Variants in STOX2 observed in about 807,000 individuals in gnomAD.
The protein encoded by STOX2 is storkhead box 2.
Under a neutral mutation model 60.9 loss-of-function variants are expected in STOX2, and 28 were observed. That is an observed-to-expected ratio of 0.46 (90% confidence interval 0.34 to 0.63). The LOEUF is 0.63. Among genes scored for constraint, STOX2 ranks in the 30% least tolerant of loss-of-function variants. The probability of loss-of-function intolerance (pLI) is 0.01; values close to 1 mark genes in which losing one functional copy is unlikely to be tolerated. For synonymous variants in STOX2, 472 were observed against 463.9 expected, an observed-to-expected ratio of 1.02 and a Z score of -0.22; for missense variants, 1,024 against 1,187.7, an observed-to-expected ratio of 0.86 and a Z score of 2.03.
chr4:183,849,687 C>T (rs1740069323), intron 1 of STOX2, among the ~76,000 whole-genome samples: 1 of 152,132 alleles, frequency 6.6e-6, no homozygotes, highest in Non-Finnish European at 1.5e-5. Flanking sequence ...AAGATCTCTA[C>T]AGCCAGAAAT....
At chr4:184,002,565 T>A (rs998936432) in intron 2 of STOX2, among the ~76,000 whole-genome samples, 3 of 152,210 alleles carry the variant, frequency 2.0e-5, no homozygotes, top group Non-Finnish European at 4.4e-5. Flanking sequence ...GCTCCATCTG[T>A]ACCCATCCGA....
intron 1 of STOX2, among the ~76,000 whole-genome samples, chr4:183,972,224 C>T (rs1458283009): frequency 1.3e-5 from 2 of 152,148 alleles, no homozygotes; most frequent in African/African-American, 4.8e-5. Context: ...GAGCATGGGG[C>T]GAATTCCCAT....
chr4:183,941,981 AC>A (rs1579445740), intron 1 of STOX2, among the ~76,000 whole-genome samples: 1 of 152,168 alleles, frequency 6.6e-6, no homozygotes, highest in African/African-American at 2.4e-5. Flanking sequence ...TCTGTCCTCA[AC>A]CCATTAAAAA....
intron 1 of STOX2, among the ~76,000 whole-genome samples, chr4:183,847,520 T>C (rs1411154514): frequency 6.6e-6 from 1 of 152,142 alleles, no homozygotes; most frequent in East Asian, 1.9e-4. Context: ...TATCAGTCCT[T>C]CAGAGCCACC....
At chr4:183,802,003 G>A (rs948042248) in intron 1 of STOX2, among the ~76,000 whole-genome samples, 3 of 152,198 alleles carry the variant, frequency 2.0e-5, no homozygotes, top group African/African-American at 7.2e-5. Context: ...CACAGGCCAC[G>A]GTTAGTACCC....
intron 1 of STOX2, among the ~76,000 whole-genome samples, chr4:183,898,070 A>G (rs1346142753): frequency 6.6e-6 from 1 of 152,058 alleles, no homozygotes; most frequent in African/African-American, 2.4e-5. Flanking sequence ...TTAATTTTTA[A>G]TATTTAAATT....
intron 1 of STOX2, among the ~76,000 whole-genome samples, chr4:183,922,643 A>G (rs1353614400): frequency 2.0e-5 from 3 of 152,088 alleles, no homozygotes; most frequent in Non-Finnish European, 4.4e-5. Context: ...CGTGCCTGGC[A>G]CAAAAGTTAC....
At position 184,010,540 on chromosome 4, in the gene STOX2, A is replaced by C; in HGVS notation, c.1702A>C (p.Ser568Arg). ...AGTCAGTGGCAGCAAGGAACCGTCC[A>C]GCGCTTGCAGCCTTTTGGAGCCAGG... ...EIVSGSKEPSSACSLLEPGKP... is the reference protein window; with the variant it reads ...EIVSGSKEPSRACSLLEPGKP... Residue 568 changes from serine (S) to arginine (R), a missense_variant, in exon 3 of 4, where the codon AGC becomes CGC. Physicochemically the swap from Ser to Arg is moderately radical, Grantham distance 110. Coordinates refer to ENST00000308497, the MANE Select transcript of STOX2 (RefSeq NM_020225.3). This position sits in a 1 kb window ranked among gnomAD's most constrained non-coding sequence, Gnocchi z 4.5. 1 of 1,613,938 alleles carries C rather than the reference A, an allele frequency of 6.2e-7. No homozygotes were observed. Among genetic ancestry groups the C allele is most frequent in the Non-Finnish European group, 8.5e-7 (1 of 1,179,856 alleles).
At chr4:183,808,951 T>A (rs1032468152) in intron 1 of STOX2, among the ~76,000 whole-genome samples, 12 of 152,110 alleles carry the variant, frequency 7.9e-5, no homozygotes, top group Middle Eastern at 6.8e-3. Context: ...ACACTGGGGG[T>A]CTTGATTGCT....
chr4:183,948,712 A>G (rs1443476205), intron 1 of STOX2, among the ~76,000 whole-genome samples: 1 of 151,792 alleles, frequency 6.6e-6, no homozygotes, highest in Non-Finnish European at 1.5e-5. Flanking sequence ...TTGTACTTTT[A>G]GTAGAGATGG....
intron 1 of STOX2, among the ~76,000 whole-genome samples, chr4:183,822,148 C>A (rs1400989617): frequency 6.6e-6 from 1 of 152,210 alleles, no homozygotes; most frequent in African/African-American, 2.4e-5. Flanking sequence ...AAGCCACAAG[C>A]CTAGATGGGA....
At chr4:183,974,223 C>T (rs943670350) in intron 1 of STOX2, among the ~76,000 whole-genome samples, 14 of 151,220 alleles carry the variant, frequency 9.3e-5, no homozygotes, top group African/African-American at 2.9e-4. Flanking sequence ...AGACACCATA[C>T]AAAGGAATAC....
chr4:183,840,511 C>T (rs1296736141), intron 1 of STOX2, among the ~76,000 whole-genome samples: 1 of 152,148 alleles, frequency 6.6e-6, no homozygotes, highest in Non-Finnish European at 1.5e-5. Context: ...CACTTAATGG[C>T]AACCAGAGGT....
At chr4:183,915,899 C>A (rs62339678) in intron 1 of STOX2, among the ~76,000 whole-genome samples, 40,913 of 152,084 alleles carry the variant, frequency 0.27, 5,845 homozygotes, top group East Asian at 0.54. Context: ...CTTTAACCCA[C>A]CCACTGTGCG....
At chr4:183,824,873 G>A (rs1164680256) in intron 1 of STOX2, among the ~76,000 whole-genome samples, 2 of 152,170 alleles carry the variant, frequency 1.3e-5, no homozygotes, top group African/African-American at 4.8e-5. Context: ...GCCCAGATGG[G>A]GGCTTCCAGG....
intron 1 of STOX2, among the ~76,000 whole-genome samples, chr4:183,910,306 C>T (rs1221132810): frequency 6.6e-6 from 1 of 152,168 alleles, no homozygotes; most frequent in Non-Finnish European, 1.5e-5. Context: ...AAAAGCAAAA[C>T]TCCCCACAAA....
intron 1 of STOX2, among the ~76,000 whole-genome samples, chr4:183,887,973 C>T (rs756955900): frequency 7.2e-5 from 11 of 152,072 alleles, no homozygotes; most frequent in Non-Finnish European, 1.6e-4. Flanking sequence ...AGGTTGGTCT[C>T]GAGCTCTTAG....
intron 1 of STOX2, among the ~76,000 whole-genome samples, chr4:183,887,665 T>C (rs1004480490): frequency 1.3e-5 from 2 of 152,262 alleles, no homozygotes; most frequent in African/African-American, 4.8e-5. Flanking sequence ...GATTTTGGAC[T>C]TCGCTCAAGG....
intron 1 of STOX2, among the ~76,000 whole-genome samples, chr4:183,827,913 T>G (rs1739473259): frequency 6.6e-6 from 1 of 151,478 alleles, no homozygotes; most frequent in Admixed American, 6.6e-5. Flanking sequence ...AAAGACGGCC[T>G]TTATTGCCCC....
Sources: gnomAD v4.1 joint callset for allele counts (sites outside exome capture counted in the v4.1 genomes callset) on GRCh38, gnomAD v4.1.1 for gene constraint, Gnocchi (gnomAD v3.1) non-coding constraint, MANE v1.5 for transcripts, NCBI Gene and HGNC (gene_info 2026-07-23, HGNC 2026-07-21) for gene names.